Variants in FAM53B observed in about 807,000 individuals in gnomAD.
FAM53B encodes the protein family with sequence similarity 53 member B, also known as protein FAM53B.
A neutral mutation model predicts 32.7 loss-of-function variants in FAM53B; 12 were observed. That is an observed-to-expected ratio of 0.37 (90% confidence interval 0.24 to 0.59). The LOEUF (loss-of-function observed/expected upper bound fraction) is 0.59, where lower values mean the gene tolerates loss of function less well. Ranked by LOEUF, FAM53B falls within the 20% of genes least tolerant of loss-of-function variation. FAM53B has a pLI of 0.72. For missense variants in FAM53B, 477 were observed against 577.7 expected, an observed-to-expected ratio of 0.83 and a Z score of 1.79; for synonymous variants, 234 against 228.7, an observed-to-expected ratio of 1.02 and a Z score of -0.21.
At chr10:124,736,356 C>T (rs1216578183) in intron 1 of FAM53B, among the ~76,000 whole-genome samples, 1 of 152,250 alleles carries the variant, frequency 6.6e-6, no homozygotes, top group Admixed American at 6.5e-5. Context: ...CAGGATCATG[C>T]CACAGAGGGG....
chr10:124,671,109 C>CTGTG (rs1949704995), intron 4 of FAM53B: 5 of 445,794 alleles, frequency 1.1e-5, no homozygotes, highest in Admixed American at 7.1e-5. Context: ...CGTACATCTC[C>CTGTG]CCGTCTGCTT....
At chr10:124,707,091 C>T (rs967839942) in intron 1 of FAM53B, among the ~76,000 whole-genome samples, 17 of 152,278 alleles carry the variant, frequency 1.1e-4, no homozygotes, top group African/African-American at 4.1e-4. Flanking sequence ...CCTTGGGCTG[C>T]CTCACTTGTA....
At chr10:124,721,397 T>C (rs1430674204) in intron 1 of FAM53B, among the ~76,000 whole-genome samples, 1 of 152,136 alleles carries the variant, frequency 6.6e-6, no homozygotes, top group African/African-American at 2.4e-5. Flanking sequence ...GTGCCGGAGG[T>C]GGCATCCACA....
chr10:124,692,702 G>A (rs1211523336), intron 3 of FAM53B, among the ~76,000 whole-genome samples: 3 of 105,776 alleles, frequency 2.8e-5, no homozygotes, highest in East Asian at 6.2e-4. Flanking sequence ...GAGACAGAGC[G>A]ATACTCCATC....
chr10:124,690,155 G>A (rs1949824948), intron 3 of FAM53B, among the ~76,000 whole-genome samples: 1 of 152,214 alleles, frequency 6.6e-6, no homozygotes, highest in South Asian at 2.1e-4. Flanking sequence ...GCGACAGGCA[G>A]AGCTTTTCAC....
chr10:124,711,367 G>A (rs929516893), intron 1 of FAM53B, among the ~76,000 whole-genome samples: 1 of 152,114 alleles, frequency 6.6e-6, no homozygotes. Flanking sequence ...CAGCGGGAGG[G>A]ATCCTTGGAG....
Position 124,622,090 on chromosome 10 carries a change from G to A in FAM53B, c.*1152C>T, listed in dbSNP as rs574426586. 13 of 152,444 alleles carry A rather than the reference G, an allele frequency of 8.5e-5. No homozygotes were observed. The highest frequency in any genetic ancestry group is 2.6e-4 in the African/African-American group (11 of 41,560). The allele number at this position is 152,444 out of a possible 1,614,324, so 9.4% of individuals were successfully genotyped here. A position where few individuals can be genotyped will look rare whatever the true frequency, so the allele number is the denominator to read the frequency against. On this transcript the variant is annotated 3_prime_UTR_variant, in exon 5 of 5. Coordinates refer to ENST00000337318, the MANE Select transcript of FAM53B (RefSeq NM_014661.4). Reference sequence around the variant, plus strand: ...AGCATGAATCCAGCTTTGTGCCGGTGGCTGGGCCTACAACAGAGATGCAGC... The same window carrying A: ...AGCATGAATCCAGCTTTGTGCCGGTAGCTGGGCCTACAACAGAGATGCAGC...
At chr10:124,643,549 G>T (rs996828921) in intron 4 of FAM53B, among the ~76,000 whole-genome samples, 2 of 152,174 alleles carry the variant, frequency 1.3e-5, no homozygotes, top group Admixed American at 6.5e-5. Context: ...GAGGGCCAGC[G>T]GGGGGGTGCA....
In FAM53B at chr10:124,719,384, C is replaced by T. The variant is rs577770752; in HGVS notation, c.-174-12497G>A. ...GTTAAAGAGGAAATGACACAGCCAACCAGAGTCACCCGGCTTTAAAGCAAA... is the reference window on the plus strand; with the variant it reads ...GTTAAAGAGGAAATGACACAGCCAATCAGAGTCACCCGGCTTTAAAGCAAA... On this transcript the variant is annotated intron_variant, in intron 1 of 4. Coordinates refer to ENST00000337318, the MANE Select transcript of FAM53B (RefSeq NM_014661.4). 1.4e-4 allele frequency among the ~76,000 whole-genome samples: 22 copies of T among 152,250 alleles called. No homozygotes were observed. In the South Asian group the frequency reaches 4.1e-3, roughly 29 times the overall value.
chr10:124,717,986 G>A (rs1170497520), intron 1 of FAM53B, among the ~76,000 whole-genome samples: 2 of 152,258 alleles, frequency 1.3e-5, no homozygotes, highest in East Asian at 3.9e-4. Flanking sequence ...AGCAGGCAGG[G>A]AGAAGCATTC....
In FAM53B at chr10:124,623,359, G is replaced by A. The variant is rs904993913; in HGVS notation, c.1152C>T (p.Asp384=). 13 of 1,612,640 alleles carry A rather than the reference G, an allele frequency of 8.1e-6. No individual in the cohort carries two copies. The highest frequency in any genetic ancestry group is 4.4e-5 in the South Asian group (4 of 91,086). The change falls in exon 5 of 5, where the codon GAC becomes GAT. Residue 384 remains aspartate, a synonymous_variant. Transcript: ENST00000337318. Reference sequence around the variant, plus strand: ...GCTCCGCTCTCCTGCCACAATCCTCGTCCAGGGCGCAGCTGTCTGACTCCT... The same window carrying A: ...GCTCCGCTCTCCTGCCACAATCCTCATCCAGGGCGCAGCTGTCTGACTCCT... ...SCEESDSCAL[D]EDCGRRAEPA... is the part of the protein sequence containing the mutation.
intron 4 of FAM53B, among the ~76,000 whole-genome samples, chr10:124,657,108 A>ATGTG (rs372575483): frequency 1.5e-5 from 2 of 137,118 alleles, no homozygotes; most frequent in Admixed American, 7.4e-5. Context: ...GTGTATATAT[A>ATGTG]TGTGTGTGTG....
intron 1 of FAM53B, chr10:124,713,376 A>G (rs1358057923): frequency 1.3e-5 from 2 of 152,248 alleles, no homozygotes. Flanking sequence ...CAGGGGGGAC[A>G]GCTTTGCTCT....
chr10:124,683,665 C>T (rs1184703914), intron 3 of FAM53B, among the ~76,000 whole-genome samples: 1 of 152,146 alleles, frequency 6.6e-6, no homozygotes, highest in Non-Finnish European at 1.5e-5. Context: ...AGGATGTAAA[C>T]CCAGCTTAGT....
chr10:124,680,898 G>A (rs1286506584), intron 4 of FAM53B, among the ~76,000 whole-genome samples: 1 of 152,128 alleles, frequency 6.6e-6, no homozygotes, highest in South Asian at 2.1e-4. Flanking sequence ...GCCAACTCTC[G>A]GGCTCAGAGA....
intron 4 of FAM53B, among the ~76,000 whole-genome samples, chr10:124,637,499 A>C (rs968404866): frequency 5.3e-5 from 8 of 151,934 alleles, no homozygotes; most frequent in African/African-American, 1.9e-4. Context: ...AATCCAACTC[A>C]GACCTGTACT....
At chr10:124,698,901 C>T (rs1949893450) in intron 2 of FAM53B, among the ~76,000 whole-genome samples, 1 of 152,330 alleles carries the variant, frequency 6.6e-6, no homozygotes, top group East Asian at 1.9e-4. Flanking sequence ...CCTACAGGGC[C>T]CCATATGAGC....
In FAM53B at chr10:124,623,099, G is replaced by A. The variant is rs2134032685; in HGVS notation, c.*143C>T. 7 of 1,096,782 alleles carry A rather than the reference G, an allele frequency of 6.4e-6. No homozygotes were observed. The highest frequency in any genetic ancestry group is 2.5e-5 in the East Asian group (1 of 39,892). The allele number at this position is 1,096,782 out of a possible 1,614,324, so 67.9% of individuals were successfully genotyped here. A position where few individuals can be genotyped will look rare whatever the true frequency, so the allele number is the denominator to read the frequency against. On this transcript the variant is annotated 3_prime_UTR_variant, in exon 5 of 5. Coordinates refer to ENST00000337318, the MANE Select transcript of FAM53B (RefSeq NM_014661.4). Reference sequence around the variant, plus strand: ...CCAGGCTCTCCCCCAGGCAGCAGGTGGGCTCCCTCTCTGGGACCCGACACC... The same window carrying A: ...CCAGGCTCTCCCCCAGGCAGCAGGTAGGCTCCCTCTCTGGGACCCGACACC...
In FAM53B at chr10:124,651,939, G is replaced by T. The variant is rs1949559063; in HGVS notation, c.907-28335C>A. Among the ~76,000 whole-genome samples, 1 of 152,170 alleles carries T rather than the reference G, an allele frequency of 6.6e-6. No individual in the cohort carries two copies. The highest frequency in any genetic ancestry group is 6.5e-5 in the Admixed American group (1 of 15,284). On this transcript the variant is annotated intron_variant, in intron 4 of 4. Transcript: ENST00000337318. The surrounding 1 kb of genome is among the most constrained non-coding windows in gnomAD (Gnocchi z 5.2). ...GTCCCCCATCTGTGAAGCATCTGTG[G>T]TCCACCAGGTGCTCTCCTGAGCAAT...
Sources: gnomAD v4.1 joint callset for allele counts (sites outside exome capture counted in the v4.1 genomes callset) on GRCh38, gnomAD v4.1.1 for gene constraint, Gnocchi (gnomAD v3.1) non-coding constraint, MANE v1.5 for transcripts, NCBI Gene and HGNC (gene_info 2026-07-23, HGNC 2026-07-21) for gene names.